KCNK10: variants seen among roughly 807,000 people sequenced by gnomAD.
KCNK10 encodes the protein potassium two pore domain channel subfamily K member 10.
KCNK10 carries 25 observed loss-of-function variants against 47.7 expected under a neutral mutation model. The ratio of observed to expected loss-of-function variants is 0.52; its 90% CI spans 0.38 to 0.73. KCNK10 has a LOEUF of 0.73. Ranked by LOEUF, KCNK10 falls within the 30% of genes least tolerant of loss-of-function variation. KCNK10 has a pLI of 0.00. For missense variants in KCNK10, 563 were observed against 714.5 expected (o/e 0.79, Z 2.42); for synonymous variants, 303 against 285.6 (o/e 1.06, Z -0.61).
intron 1 of KCNK10, among the ~76,000 whole-genome samples, chr14:88,264,676 A>C (rs774080217): frequency 6.6e-6 from 1 of 152,218 alleles, no homozygotes; most frequent in Non-Finnish European, 1.5e-5. Flanking sequence ...CTGTCTTTGG[A>C]AACCGAGCTG....
chr14:88,209,883 G>T (rs1218894044), intron 4 of KCNK10, among the ~76,000 whole-genome samples: 2 of 152,126 alleles, frequency 1.3e-5, no homozygotes, highest in African/African-American at 4.8e-5. Flanking sequence ...CACTGAGCAG[G>T]TCCTACAGGG....
intron 4 of KCNK10, among the ~76,000 whole-genome samples, chr14:88,217,805 C>T (rs550948623): frequency 6.6e-6 from 1 of 152,110 alleles, no homozygotes; most frequent in Non-Finnish European, 1.5e-5. Flanking sequence ...TCACTGCAAC[C>T]TCTGCCTCCC....
intron 4 of KCNK10, among the ~76,000 whole-genome samples, chr14:88,215,521 T>C (rs1263698559): frequency 6.6e-6 from 1 of 152,216 alleles, no homozygotes; most frequent in Admixed American, 6.5e-5. Context: ...ATGAGATTTG[T>C]GTGGGGACAC....
At chr14:88,326,349 G>T, upstream of KCNK10, 1 of 1,371,968 alleles carries the variant, frequency 7.3e-7, no homozygotes, top group Non-Finnish European at 1.0e-6. Flanking sequence ...TAGCCCTTTG[G>T]GCTACTGCAA....
Position 88,306,434 on chromosome 14 carries a change from G to C in KCNK10, c.52+16313C>G, listed in dbSNP as rs190067772. ...GGACCTTTTCCCTAGAATAGCATGT[G>C]AGAGAACAGAGCAGGACAAAAGTAA... On this transcript the variant is annotated intron_variant, in intron 1 of 6. Transcript: ENST00000319231. 4.3e-4 allele frequency among the ~76,000 whole-genome samples: 65 copies of C among 152,300 alleles called. No homozygotes were observed. In the East Asian group the frequency reaches 0.01, roughly 23 times the overall value.
At chr14:88,261,775 A>C (rs893242463) in intron 2 of KCNK10, among the ~76,000 whole-genome samples, 2 of 151,498 alleles carry the variant, frequency 1.3e-5, no homozygotes, top group Non-Finnish European at 1.5e-5. Flanking sequence ...AGAAAAAGAA[A>C]AAAAAAAAAG....
chr14:88,185,924 C>G lies in KCNK10; in HGVS notation c.1243G>C (p.Ala415Pro), dbSNP rs769621803. 6.2e-7 allele frequency: 1 copy of G among 1,613,972 alleles called. No homozygotes were observed. Among genetic ancestry groups the G allele is most frequent in the Admixed American group, 1.7e-5 (1 of 60,020 alleles). ...FAALDTGRFKASSQESINNRP... is the reference protein window; with the variant it reads ...FAALDTGRFKPSSQESINNRP... ...TTGTTGATGCTCTCCTGGGATGAGG[C>G]CTTGAAGCGGCCGGTGTCCAGGGCA... The change falls in exon 7 of 7, where the codon GCC becomes CCC. Residue 415 changes from alanine to proline, a missense_variant. Physicochemically the swap from Ala to Pro is conservative, Grantham distance 27. Transcript: ENST00000319231. This position sits in a 1 kb window ranked among gnomAD's most constrained non-coding sequence, Gnocchi z 4.3.
chr14:88,326,676 G>A (rs1039154546), upstream of KCNK10: 7 of 572,426 alleles, frequency 1.2e-5, no homozygotes, highest in African/African-American at 1.1e-4. Context: ...CGGTGGCAAA[G>A]CGCTGCTACC....
At chr14:88,204,546 G>A (rs1258886689) in intron 4 of KCNK10, among the ~76,000 whole-genome samples, 2 of 151,826 alleles carry the variant, frequency 1.3e-5, no homozygotes, top group African/African-American at 4.8e-5. Context: ...CACTTCTGAG[G>A]AAACTGTCAG....
intron 5 of KCNK10, among the ~76,000 whole-genome samples, chr14:88,189,754 C>T (rs1043069348): frequency 6.6e-6 from 1 of 152,188 alleles, no homozygotes; most frequent in African/African-American, 2.4e-5. Flanking sequence ...TATGTCGAAT[C>T]ACAGCAACCA....
At chr14:88,294,331 G>C (rs1011254507) in intron 1 of KCNK10, among the ~76,000 whole-genome samples, 1 of 152,280 alleles carries the variant, frequency 6.6e-6, no homozygotes, top group Non-Finnish European at 1.5e-5. Flanking sequence ...GGAAGACAGA[G>C]GAGGGTCTGC....
At chr14:88,325,599 C>G (rs945481565), upstream of KCNK10, among the ~76,000 whole-genome samples, 1 of 152,176 alleles carries the variant, frequency 6.6e-6, no homozygotes, top group African/African-American at 2.4e-5. Flanking sequence ...CTCATCCAGT[C>G]CCGGGACCCA....
chr14:88,201,943 C>A (rs1039227515), intron 4 of KCNK10, among the ~76,000 whole-genome samples: 5 of 152,204 alleles, frequency 3.3e-5, no homozygotes, highest in African/African-American at 1.2e-4. Flanking sequence ...CAGTGCCCTA[C>A]CCTTTGGTAG....
At chr14:88,257,142 A>C (rs977616131) in intron 2 of KCNK10, among the ~76,000 whole-genome samples, 1 of 152,154 alleles carries the variant, frequency 6.6e-6, no homozygotes, top group African/African-American at 2.4e-5. Flanking sequence ...ATCTCTCAGC[A>C]TCCCTCACCT....
At chr14:88,226,866 A>C (rs1886003478) in intron 4 of KCNK10, among the ~76,000 whole-genome samples, 3 of 152,240 alleles carry the variant, frequency 2.0e-5, no homozygotes, top group Non-Finnish European at 4.4e-5. Context: ...GGGAGCACTC[A>C]GCAGTGAGAG....
intron 1 of KCNK10, among the ~76,000 whole-genome samples, chr14:88,312,647 G>C (rs1888350979): frequency 6.6e-6 from 1 of 152,242 alleles, no homozygotes; most frequent in Non-Finnish European, 1.5e-5. Flanking sequence ...CTCTGTAAGA[G>C]AAGTGGGACC....
At position 88,260,545 on chromosome 14, in the gene KCNK10, G is replaced by T. The variant is rs1399508953; in HGVS notation, c.402+2657C>A. ...ATTATAAACCAAGATCTACTTAAAGGGCCTGTAGACTATTTGGATGAGAGA... is the reference window on the plus strand; with the variant it reads ...ATTATAAACCAAGATCTACTTAAAGTGCCTGTAGACTATTTGGATGAGAGA... On this transcript the variant is annotated intron_variant, in intron 2 of 6. Transcript: ENST00000319231. The surrounding 1 kb of genome is among the most constrained non-coding windows in gnomAD (Gnocchi z 4.5). 6.6e-6 allele frequency among the ~76,000 whole-genome samples: 1 copy of T among 152,148 alleles called. No homozygotes were observed. The highest frequency in any genetic ancestry group is 1.9e-4 in the East Asian group (1 of 5,172).
chr14:88,192,199 TGCCTGGCCTGCCCAG>T lies in KCNK10; in HGVS notation c.868+10_868+24del, dbSNP rs779860078. On this transcript the variant is annotated intron_variant, in intron 5 of 6. Coordinates refer to ENST00000319231, the MANE Select transcript of KCNK10 (RefSeq NM_138317.3). ...ATTATTTTTCCCGCCAGAGCCCCAG[TGCCTGGCCTGCCCAG>T]GGTGCTTACCTGCCACAAAATCACC... The T allele has an allele frequency of 1.6e-5, 26 of 1,585,850 alleles. No homozygotes were observed. In the East Asian group the frequency reaches 4.1e-4, roughly 25 times the overall value.
At chr14:88,227,337 T>C (rs755859628) in intron 4 of KCNK10, 38 bp downstream of exon 4, 51 of 1,541,810 alleles carry the variant, frequency 3.3e-5, no homozygotes, top group Admixed American at 2.0e-4. Context: ...GCCAACTGGA[T>C]CACAGTGGTT....
Sources: gnomAD v4.1 joint callset for allele counts (sites outside exome capture counted in the v4.1 genomes callset) on GRCh38, gnomAD v4.1.1 for gene constraint, Gnocchi (gnomAD v3.1) non-coding constraint, MANE v1.5 for transcripts, NCBI Gene and HGNC (gene_info 2026-07-23, HGNC 2026-07-21) for gene names.